The following BCL2L13 variants were observed in gnomAD, a reference collection of about 807,000 sequenced individuals.
BCL2L13 encodes bcl-2-like protein 13.
BCL2L13 carries 13 observed loss-of-function variants against 25.8 expected under a neutral mutation model. The ratio of observed to expected loss-of-function variants is 0.50; its 90% CI spans 0.33 to 0.80. BCL2L13 has a LOEUF of 0.80. BCL2L13 is among the 30% of genes least tolerant of loss of function. BCL2L13 has a pLI of 0.02. For missense variants in BCL2L13, 504 were observed against 574.9 expected, an observed-to-expected ratio of 0.88 and a Z score of 1.26; for synonymous variants, 244 against 230.3, an observed-to-expected ratio of 1.06 and a Z score of -0.54.
At chr22:17,723,475 C>A (rs151185785) in intron 6 of BCL2L13, among the ~76,000 whole-genome samples, 59 of 152,324 alleles carry the variant, frequency 3.9e-4, no homozygotes, top group African/African-American at 1.3e-3. Flanking sequence ...TTTGTTTTCA[C>A]TTCCTTATTG....
chr22:17,654,835 C>T (rs1019860083), intron 1 of BCL2L13, among the ~76,000 whole-genome samples: 5 of 152,066 alleles, frequency 3.3e-5, no homozygotes, highest in Admixed American at 6.6e-5. Context: ...AATCCTCCCG[C>T]CTCAGCTTCC....
At position 17,669,431 on chromosome 22, in the gene BCL2L13, C is replaced by T. The variant is rs1304911038; in HGVS notation, c.121+13599C>T. ...CCACTCATGGTGAAAAGGGGAAGCT[C>T]ATGTGTGCAGAGATCACATGACAAG... On this transcript the variant is annotated intron_variant, in intron 2 of 6. Transcript: ENST00000317582. 2.6e-5 allele frequency among the ~76,000 whole-genome samples: 4 copies of T among 152,114 alleles called. 1 individual carries two copies. Among genetic ancestry groups the T allele is most frequent in the African/African-American group, 7.2e-5 (3 of 41,428 alleles).
chr22:17,716,500 C>T lies in BCL2L13; in HGVS notation c.601-10177C>T, dbSNP rs538614824. On this transcript the variant is annotated intron_variant, in intron 6 of 6. Coordinates refer to ENST00000317582, the MANE Select transcript of BCL2L13 (RefSeq NM_015367.4). ...GAAGCCTCCCCTCCCATAGGAAACA[C>T]CTAGCACACAATTACAGAGAGATTT... 2.6e-4 allele frequency among the ~76,000 whole-genome samples: 40 copies of T among 152,276 alleles called. No homozygotes were observed. The South Asian group carries it at 3.3e-3, about 13-fold the overall frequency.
rs1358856746 is a variant in BCL2L13 at position 17,729,568 on chromosome 22, G to A, written c.*2034G>A. On this transcript the variant is annotated 3_prime_UTR_variant, in exon 7 of 7. Transcript: ENST00000317582. ...CTGGATCCTCACACCCATTGGCTGA[G>A]CGCATTCAAGCACCAATCGAAGCCA... 1 of 152,194 alleles carries A rather than the reference G, an allele frequency of 6.6e-6. No individual in the cohort carries two copies. Among genetic ancestry groups the A allele is most frequent in the African/African-American group, 2.4e-5 (1 of 41,426 alleles). 9.4% of individuals were successfully genotyped at this position (152,194 alleles called of 1,614,324 possible).
At chr22:17,719,037 C>A (rs1045239995) in intron 6 of BCL2L13, among the ~76,000 whole-genome samples, 3 of 151,324 alleles carry the variant, frequency 2.0e-5, no homozygotes, top group Non-Finnish European at 4.4e-5. Flanking sequence ...GCCTGTAATC[C>A]CAGCTACTTG....
upstream of BCL2L13, among the ~76,000 whole-genome samples, chr22:17,635,866 T>G (rs987121748): frequency 2.6e-5 from 2 of 78,102 alleles, no homozygotes; most frequent in Non-Finnish European, 2.6e-5. Flanking sequence ...CGCGCCACCA[T>G]GCCCAGCTAA....
intron 3 of BCL2L13, among the ~76,000 whole-genome samples, chr22:17,685,378 A>C (rs576603776): frequency 1.3e-5 from 2 of 151,742 alleles, no homozygotes; most frequent in East Asian, 3.9e-4. Context: ...GGTACCCACC[A>C]CCACGCCCAG....
At chr22:17,726,554 G>A in intron 6 of BCL2L13, 123 bp from the exon 7 acceptor site, 4 of 1,134,810 alleles carry the variant, frequency 3.5e-6, no homozygotes, top group Non-Finnish European at 3.7e-6. Context: ...CGGAAACTAT[G>A]TAGGTTTAAA....
At chr22:17,678,409 T>C (rs548616778) in intron 2 of BCL2L13, among the ~76,000 whole-genome samples, 21 of 152,248 alleles carry the variant, frequency 1.4e-4, no homozygotes, top group Admixed American at 6.5e-4. Context: ...CTCTGTTAAC[T>C]ATTTAATCAT....
At chr22:17,644,018 C>G (rs1212068606) in intron 1 of BCL2L13, among the ~76,000 whole-genome samples, 1 of 151,322 alleles carries the variant, frequency 6.6e-6, no homozygotes, top group Non-Finnish European at 1.5e-5. Flanking sequence ...AAGCCTGATT[C>G]TCCTGGCTCA....
chr22:17,661,929 T>C (rs2059078643), intron 2 of BCL2L13, among the ~76,000 whole-genome samples: 1 of 150,958 alleles, frequency 6.6e-6, no homozygotes, highest in South Asian at 2.1e-4. Context: ...AGGTGGAGGT[T>C]GTGGTGAGCC....
intron 4 of BCL2L13, among the ~76,000 whole-genome samples, chr22:17,694,496 T>C (rs952974539): frequency 5.3e-5 from 8 of 151,452 alleles, no homozygotes; most frequent in Admixed American, 2.6e-4. Flanking sequence ...GCAACATAGG[T>C]GACTCCATTT....
chr22:17,708,258 C>T (rs534889672), intron 6 of BCL2L13, among the ~76,000 whole-genome samples: 35 of 151,418 alleles, frequency 2.3e-4, no homozygotes, highest in South Asian at 6.3e-4. Context: ...TACTTCTGGC[C>T]ATTAACTCAA....
At chr22:17,705,300 A>ATT (rs758981042) in intron 6 of BCL2L13, among the ~76,000 whole-genome samples, 4 of 135,758 alleles carry the variant, frequency 2.9e-5, no homozygotes, top group Admixed American at 7.4e-5. Context: ...AAGATACTGC[A>ATT]TTTTTTTTTT....
At chr22:17,645,264 C>G (rs1390751198) in intron 1 of BCL2L13, among the ~76,000 whole-genome samples, 1 of 129,364 alleles carries the variant, frequency 7.7e-6, no homozygotes, top group Non-Finnish European at 1.5e-5. Context: ...GAGTCTCACT[C>G]TGTCACACAG....
chr22:17,637,793 G>A (rs1286381180), upstream of BCL2L13, among the ~76,000 whole-genome samples: 2 of 152,080 alleles, frequency 1.3e-5, no homozygotes, highest in Non-Finnish European at 2.9e-5. Flanking sequence ...TGTGGCACCA[G>A]CCCCACAATA....
At chr22:17,642,209 C>G (rs1487111503) in intron 1 of BCL2L13, among the ~76,000 whole-genome samples, 1 of 147,862 alleles carries the variant, frequency 6.8e-6, no homozygotes, top group Non-Finnish European at 1.5e-5. Context: ...ACTGCAACCT[C>G]GGACTCCCAG....
rs1311096359 is a variant in BCL2L13 at position 17,729,285 on chromosome 22, C to G, written c.*1751C>G. The G allele has an allele frequency of 1.3e-5, 2 of 151,944 alleles. No individual in the cohort carries two copies. Among genetic ancestry groups the G allele is most frequent in the African/African-American group, 4.8e-5 (2 of 41,358 alleles). 9.4% of individuals were successfully genotyped at this position (151,944 alleles called of 1,614,324 possible). On this transcript the variant is annotated 3_prime_UTR_variant, in exon 7 of 7. Transcript: ENST00000317582. Reference sequence around the variant, plus strand: ...CTTTATCCTGTAGCGTGTCTTTGTTCTGTGTTTTAGTGTCCCATTTAGGGA... The same window carrying G: ...CTTTATCCTGTAGCGTGTCTTTGTTGTGTGTTTTAGTGTCCCATTTAGGGA...
At chr22:17,686,610 A>G (rs1474537772) in intron 3 of BCL2L13, among the ~76,000 whole-genome samples, 1 of 149,474 alleles carries the variant, frequency 6.7e-6, no homozygotes, top group Non-Finnish European at 1.5e-5. Flanking sequence ...TCCCGAGTTT[A>G]AGTGATTCTC....
Sources: gnomAD v4.1 joint callset for allele counts (sites outside exome capture counted in the v4.1 genomes callset) on GRCh38, gnomAD v4.1.1 for gene constraint, MANE v1.5 for transcripts, NCBI Gene and HGNC (gene_info 2026-07-23, HGNC 2026-07-21) for gene names.